TAF4B: variants seen among roughly 807,000 people sequenced by gnomAD.
TAF4B encodes the protein TATA-box binding protein associated factor 4b.
TAF4B carries 38 observed loss-of-function variants against 86.4 expected under a neutral mutation model. The ratio of observed to expected loss-of-function variants is 0.44; its 90% CI spans 0.34 to 0.58. The LOEUF (loss-of-function observed/expected upper bound fraction) is 0.58, where lower values mean the gene tolerates loss of function less well. TAF4B is among the 20% of genes least tolerant of loss of function. The pLI is 0.02. For synonymous variants in TAF4B, 388 were observed against 391.2 expected (o/e 0.99, Z 0.10); for missense variants, 988 against 1,027.6 (o/e 0.96, Z 0.53).
chr18:26,310,751 TC>T (rs1279595175), intron 9 of TAF4B, among the ~76,000 whole-genome samples: 1 of 152,120 alleles, frequency 6.6e-6, no homozygotes, highest in African/African-American at 2.4e-5. Flanking sequence ...GACTTCTTTA[TC>T]CCCCCTATTA....
intron 1 of TAF4B, chr18:26,255,619 G>A (rs549878023): frequency 1.2e-3 from 532 of 437,966 alleles, no homozygotes; most frequent in African/African-American, 3.9e-3. Flanking sequence ...AAAAAAAAAA[G>A]AGGGTCAGTT....
intron 12 of TAF4B, among the ~76,000 whole-genome samples, chr18:26,334,017 A>G (rs997555371): frequency 1.3e-5 from 2 of 151,520 alleles, no homozygotes; most frequent in African/African-American, 4.8e-5. Flanking sequence ...ATATATATGT[A>G]TATATATATA....
At chr18:26,312,701 A>C (rs1294217095) in intron 9 of TAF4B, among the ~76,000 whole-genome samples, 1 of 152,110 alleles carries the variant, frequency 6.6e-6, no homozygotes, top group African/African-American at 2.4e-5. Context: ...GCAAGGTGCA[A>C]TTTCCAGGGG....
chr18:26,300,403 AC>A (rs1330729829), intron 9 of TAF4B, among the ~76,000 whole-genome samples: 2 of 149,876 alleles, frequency 1.3e-5, no homozygotes, highest in Non-Finnish European at 3.0e-5. Context: ...AACAACAACA[AC>A]AAAAAAATCC....
chr18:26,290,664 T>G (rs899505102), intron 7 of TAF4B, among the ~76,000 whole-genome samples: 1 of 152,218 alleles, frequency 6.6e-6, no homozygotes, highest in East Asian at 1.9e-4. Flanking sequence ...TAGCTCTATT[T>G]GTTAGAGTTT....
chr18:26,311,527 A>G (rs1260016357), intron 9 of TAF4B, among the ~76,000 whole-genome samples: 5 of 152,176 alleles, frequency 3.3e-5, no homozygotes, highest in Non-Finnish European at 4.4e-5. Context: ...AGGCTGAGGC[A>G]TGAGAATCGC....
intron 1 of TAF4B, among the ~76,000 whole-genome samples, chr18:26,243,257 A>G (rs1159378023): frequency 6.6e-6 from 1 of 152,050 alleles, no homozygotes; most frequent in African/African-American, 2.4e-5. Flanking sequence ...ACATAGTCCC[A>G]TATTTCCTGG....
In TAF4B at chr18:26,293,408, C is replaced by T; in HGVS notation, c.1727-18C>T. ...TTGCTTTTTTTGTATTCTATTTTTT[C>T]TTGTTTTGTTTTTATAGCTTCCATT... is the stretch of plus-strand genomic sequence containing the variant. On this transcript the variant is annotated intron_variant, in intron 8 of 14. Transcript: ENST00000269142. 1.3e-6 allele frequency: 2 copies of T among 1,549,202 alleles called. No homozygotes were observed. Among genetic ancestry groups the T allele is most frequent in the South Asian group, 1.2e-5 (1 of 83,588 alleles).
At chr18:26,283,127 C>T (rs1449432542) in intron 6 of TAF4B, among the ~76,000 whole-genome samples, 2 of 152,134 alleles carry the variant, frequency 1.3e-5, no homozygotes, top group Non-Finnish European at 1.5e-5. Flanking sequence ...ATTTTGATCT[C>T]CTGCCTGACT....
At chr18:26,277,814 A>G (rs962416162) in intron 5 of TAF4B, among the ~76,000 whole-genome samples, 7 of 152,194 alleles carry the variant, frequency 4.6e-5, no homozygotes, top group East Asian at 1.9e-4. Context: ...AGATCTTTCA[A>G]ATGTTTCCAG....
At position 26,226,692 on chromosome 18, in the gene TAF4B, G is replaced by A. The variant is rs1487797843; in HGVS notation, c.-242G>A. ...GAGCGCCGCTGAGGAAGCTGCGAGA[G>A]GTCGGGCGGGTGTCGCTCCGGGGGC... On this transcript the variant is annotated 5_prime_UTR_variant, in exon 1 of 15. Coordinates refer to ENST00000269142, the MANE Select transcript of TAF4B (RefSeq NM_005640.3). The A allele has an allele frequency of 2.6e-6, 1 of 388,862 alleles. No individual in the cohort carries two copies. Among genetic ancestry groups the A allele is most frequent in the Non-Finnish European group, 4.5e-6 (1 of 220,908 alleles). 24.1% of individuals were successfully genotyped at this position (388,862 alleles called of 1,614,324 possible). A position where few individuals can be genotyped will look rare whatever the true frequency, so the allele number is the denominator to read the frequency against.
intron 1 of TAF4B, among the ~76,000 whole-genome samples, chr18:26,262,318 A>G (rs2056181389): frequency 6.6e-6 from 1 of 151,416 alleles, no homozygotes; most frequent in African/African-American, 2.4e-5. Flanking sequence ...TCTTGGCCAC[A>G]CTCCCTGGAA....
intron 12 of TAF4B, among the ~76,000 whole-genome samples, chr18:26,331,041 G>A (rs981472526): frequency 6.6e-6 from 1 of 151,964 alleles, no homozygotes; most frequent in South Asian, 2.1e-4. Flanking sequence ...CCAGCTCCCC[G>A]TAAGGATATG....
intron 12 of TAF4B, among the ~76,000 whole-genome samples, chr18:26,331,839 G>A (rs1042878619): frequency 6.6e-6 from 1 of 152,094 alleles, no homozygotes; most frequent in Admixed American, 6.5e-5. Flanking sequence ...CTCCTACTGT[G>A]GTCAGAATAA....
At chr18:26,375,430 T>G (rs2057436006) in intron 14 of TAF4B, among the ~76,000 whole-genome samples, 1 of 152,200 alleles carries the variant, frequency 6.6e-6, no homozygotes, top group South Asian at 2.1e-4. Context: ...ATATCCCTAA[T>G]GTCTGGGTCA....
chr18:26,226,984 G>T lies in TAF4B; in HGVS notation c.51G>T (p.Val17=), dbSNP rs1376293973. The change falls in exon 1 of 15, where the codon GTG becomes GTT. Residue 17 remains valine (V), a synonymous_variant. Coordinates refer to ENST00000269142, the MANE Select transcript of TAF4B (RefSeq NM_005640.3). ...EPAGAAPPAA[V]SASGTVTMAP... Reference sequence around the variant, plus strand: ...CCGGCGCCGCTCCCCCGGCTGCTGTGAGCGCCTCGGGGACCGTGACCATGG... The same window carrying T: ...CCGGCGCCGCTCCCCCGGCTGCTGTTAGCGCCTCGGGGACCGTGACCATGG... 5 of 1,402,326 alleles carry T rather than the reference G, an allele frequency of 3.6e-6. No individual in the cohort carries two copies. In the East Asian group the frequency reaches 9.0e-5, roughly 25 times the overall value. The allele number at this position is 1,402,326 out of a possible 1,614,324, so 86.9% of individuals were successfully genotyped here.
chr18:26,320,713 T>C (rs2056954715), intron 10 of TAF4B, among the ~76,000 whole-genome samples: 1 of 152,184 alleles, frequency 6.6e-6, no homozygotes. Context: ...ATTTTCTATT[T>C]TTTTAATTAC....
At chr18:26,346,861 GTATATATATATATGTGTATATATATATA>G (rs1272447172) in intron 13 of TAF4B, among the ~76,000 whole-genome samples, 10 of 17,746 alleles carry the variant, frequency 5.6e-4, no homozygotes, top group Non-Finnish European at 1.6e-3. Flanking sequence ...ATATATATGT[GTATATATATATATGTGTATATATATATA>G]TATATATATA....
At position 26,265,201 on chromosome 18, in the gene TAF4B, G is replaced by A. The variant is rs765439658; in HGVS notation, c.375G>A (p.Pro125=). Residue 125 remains proline, a synonymous_variant, in exon 2 of 15, where the codon CCG becomes CCA. Transcript: ENST00000269142. ...GTVLIKSNSG[P]LMLVSPQQTV... is the part of the protein sequence containing the mutation. ...TTTTGATTAAAAGTAACAGTGGTCC[G>A]TTGATGTTGGTATCTCCTCAGCAAA... 5.6e-6 allele frequency: 9 copies of A among 1,613,316 alleles called. No individual in the cohort carries two copies. The highest frequency in any genetic ancestry group is 6.8e-6 in the Non-Finnish European group (8 of 1,179,900).
Sources: allele counts gnomAD v4.1 joint callset (sites outside exome capture counted in the v4.1 genomes callset), GRCh38; gene constraint gnomAD v4.1.1; transcripts MANE v1.5; gene names NCBI Gene and HGNC (gene_info 2026-07-23, HGNC 2026-07-21).